Variants in SLC39A14 observed in about 807,000 individuals in gnomAD.
The protein encoded by SLC39A14 is metal cation symporter ZIP14.
A neutral mutation model predicts 45.5 loss-of-function variants in SLC39A14; 19 were observed. That is an observed-to-expected ratio of 0.42 (90% CI 0.29 to 0.61). SLC39A14 has a LOEUF of 0.61. Among genes scored for constraint, SLC39A14 ranks in the 20% least tolerant of loss-of-function variants. The pLI, the probability that SLC39A14 is intolerant of heterozygous loss-of-function variation, is 0.22. For missense variants in SLC39A14, 447 were observed against 616.5 expected, an observed-to-expected ratio of 0.73 and a Z score of 2.91; for synonymous variants, 264 against 251.3, an observed-to-expected ratio of 1.05 and a Z score of -0.48.
chr8:22,427,517 A>G (rs542151346), downstream of SLC39A14, among the ~76,000 whole-genome samples: 4 of 152,250 alleles, frequency 2.6e-5, no homozygotes, highest in South Asian at 8.3e-4. Flanking sequence ...GTAAGGAAAA[A>G]AAAAAAACCT....
chr8:22,401,929 A>G (rs963593602), intron 1 of SLC39A14, among the ~76,000 whole-genome samples: 3 of 152,174 alleles, frequency 2.0e-5, no homozygotes, highest in Non-Finnish European at 4.4e-5. Flanking sequence ...TTATAGCTGC[A>G]TACTATTCCA....
Position 22,421,293 on chromosome 8 carries a change from C to T in SLC39A14, c.*1595C>T, listed in dbSNP as rs967047160. The T allele has an allele frequency of 1.7e-5, 17 of 985,712 alleles. No homozygotes were observed. The highest frequency in any genetic ancestry group is 3.5e-5 in the African/African-American group (2 of 57,218). 61.1% of individuals were successfully genotyped at this position (985,712 alleles called of 1,614,324 possible). On this transcript the variant is annotated 3_prime_UTR_variant, in exon 9 of 9. Coordinates refer to ENST00000381237, the MANE Select transcript of SLC39A14 (RefSeq NM_001128431.4). Reference sequence around the variant, plus strand: ...GCTCTCAGTAATCACAAGCAGCATCCGTTTTGTTTTCTCTTCTTGGGAGAC... The same window carrying T: ...GCTCTCAGTAATCACAAGCAGCATCTGTTTTGTTTTCTCTTCTTGGGAGAC...
At chr8:22,381,038 A>G (rs548946182) in intron 1 of SLC39A14, among the ~76,000 whole-genome samples, 5 of 151,342 alleles carry the variant, frequency 3.3e-5, no homozygotes, top group African/African-American at 9.7e-5. Flanking sequence ...CAGTGGCGCA[A>G]TCTTGGCTCA....
At chr8:22,401,107 A>G (rs1433754257) in intron 1 of SLC39A14, among the ~76,000 whole-genome samples, 1 of 152,210 alleles carries the variant, frequency 6.6e-6, no homozygotes, top group African/African-American at 2.4e-5. Flanking sequence ...CAGAAATTCA[A>G]GGTAGGTTTG....
intron 1 of SLC39A14, among the ~76,000 whole-genome samples, chr8:22,397,565 G>C (rs1368615918): frequency 3.3e-5 from 5 of 151,992 alleles, no homozygotes; most frequent in Admixed American, 1.3e-4. Flanking sequence ...GCGAAAGAGC[G>C]GGCGAAAGAG....
chr8:22,425,070 T>G (rs1347015186), downstream of SLC39A14, among the ~76,000 whole-genome samples: 1 of 151,784 alleles, frequency 6.6e-6, no homozygotes, highest in Admixed American at 6.6e-5. Flanking sequence ...AAATGTCTTT[T>G]AAGTTCTGTG....
chr8:22,430,716 A>G (rs774344800), intron 8 of SLC39A14, among the ~76,000 whole-genome samples: 2 of 151,986 alleles, frequency 1.3e-5, no homozygotes, highest in Non-Finnish European at 2.9e-5. Context: ...TCTGTCGTCC[A>G]GGCTGGAGTG....
intron 4 of SLC39A14, among the ~76,000 whole-genome samples, chr8:22,412,682 AC>A (rs1563591534): frequency 6.6e-6 from 1 of 152,150 alleles, no homozygotes; most frequent in African/African-American, 2.4e-5. Flanking sequence ...AGTGGCTCAC[AC>A]CTATATTCCC....
rs1409913348 is a variant in SLC39A14 at position 22,404,966 on chromosome 8, A to G, written c.256A>G (p.Arg86Gly). Residue 86 changes from arginine (R) to glycine (G), a missense_variant, in exon 2 of 9, where the codon AGG becomes GGG. By Grantham distance (125) the Arg-to-Gly change is moderately radical (BLOSUM62 -2). Coordinates refer to ENST00000381237, the MANE Select transcript of SLC39A14 (RefSeq NM_001128431.4). ...GNVTQHVQGH[R>G]NLSTCFSSGD... is the part of the protein sequence containing the mutation. Reference sequence around the variant, plus strand: ...TGTCACCCAGCACGTGCAAGGACACAGGAACCTCTCCACGGTAAGGCTCCC... The same window carrying G: ...TGTCACCCAGCACGTGCAAGGACACGGGAACCTCTCCACGGTAAGGCTCCC... 2 of 1,614,034 alleles carry G rather than the reference A, an allele frequency of 1.2e-6. No homozygotes were observed. The highest frequency in any genetic ancestry group is 1.7e-5 in the Admixed American group (1 of 60,028).
chr8:22,372,651 C>T (rs541709479), intron 1 of SLC39A14, among the ~76,000 whole-genome samples: 2 of 152,154 alleles, frequency 1.3e-5, no homozygotes, highest in Non-Finnish European at 2.9e-5. Context: ...TATGTACATA[C>T]CTAGTTTAAT....
Position 22,404,809 on chromosome 8 carries a change from G to A in SLC39A14, c.99G>A (p.Leu33=), listed in dbSNP as rs771353406. The A allele has an allele frequency of 9.9e-6, 16 of 1,613,316 alleles. No individual in the cohort carries two copies. Among genetic ancestry groups the A allele is most frequent in the Admixed American group, 8.3e-5 (5 of 59,976 alleles). The change falls in exon 2 of 9, where the codon CTG becomes CTA. Residue 33 remains leucine, a synonymous_variant. Transcript: ENST00000381237. The part of the protein sequence containing the change: ...RTTPEAHASS[L]GAPAISAASF... ...CCCCTGAGGCTCACGCTTCATCCCT[G>A]GGTGCACCAGCTATCAGCGCTGCCT...
At position 22,380,535 on chromosome 8, in the gene SLC39A14, C is replaced by A. The variant is rs367932860; in HGVS notation, c.-16+13127C>A. Among the ~76,000 whole-genome samples the A allele has an allele frequency of 2.6e-5, 4 of 152,264 alleles. No individual in the cohort carries two copies. The South Asian group carries it at 6.2e-4, about 24-fold the overall frequency. ...CTCAGTGTTGCCACTGGGTTAGGGA[C>A]CCACGCACAGATGCAGTCGAAGACT... On this transcript the variant is annotated intron_variant, in intron 1 of 8. Coordinates refer to ENST00000381237, the MANE Select transcript of SLC39A14 (RefSeq NM_001128431.4).
At position 22,405,017 on chromosome 8, in the gene SLC39A14, C is replaced by G. The variant is rs758977286; in HGVS notation, c.270+37C>G. The G allele has an allele frequency of 4.1e-5, 66 of 1,592,490 alleles. No homozygotes were observed. The Middle Eastern group carries it at 1.3e-3, about 32-fold the overall frequency. On this transcript the variant is annotated intron_variant, in intron 2 of 8. Coordinates refer to ENST00000381237, the MANE Select transcript of SLC39A14 (RefSeq NM_001128431.4). ...CTGTGAGCCAGCAGCTCTGCTCAGC[C>G]CCGTCTCTGGCCTCTCAGGGTTCCC...
chr8:22,413,787 T>C (rs1835717525), intron 4 of SLC39A14, among the ~76,000 whole-genome samples: 1 of 152,170 alleles, frequency 6.6e-6, no homozygotes, highest in African/African-American at 2.4e-5. Context: ...TTTTTTTTGT[T>C]TGTTTTTGAG....
At chr8:22,425,883 G>GTTTTTGTTTTT (rs1055202851), downstream of SLC39A14, among the ~76,000 whole-genome samples, 1 of 140,862 alleles carries the variant, frequency 7.1e-6, no homozygotes, top group Non-Finnish European at 1.5e-5. Context: ...GCTCTAGATG[G>GTTTTTGTTTTT]TTTTTGTTTT....
intron 1 of SLC39A14, among the ~76,000 whole-genome samples, chr8:22,368,992 C>T (rs1328507372): frequency 6.6e-6 from 1 of 152,158 alleles, no homozygotes; most frequent in African/African-American, 2.4e-5. Flanking sequence ...CTTGGTAAAG[C>T]AAGAGAAGGG....
At chr8:22,425,654 T>C (rs150236381), downstream of SLC39A14, among the ~76,000 whole-genome samples, 2 of 152,298 alleles carry the variant, frequency 1.3e-5, no homozygotes, top group Non-Finnish European at 2.9e-5. Flanking sequence ...GTATTTCTTT[T>C]CAGCAGATGT....
Position 22,421,264 on chromosome 8 carries a change from G to C in SLC39A14, c.*1566G>C. On this transcript the variant is annotated 3_prime_UTR_variant, in exon 9 of 9. Transcript: ENST00000381237. The stretch of plus-strand genomic sequence containing the variant: ...AGCTTTTCTCTTACATAGAAAAACT[G>C]TCCGCTCTCAGTAATCACAAGCAGC... The C allele has an allele frequency of 1.0e-6, 1 of 985,802 alleles. No individual in the cohort carries two copies. The allele number at this position is 985,802 out of a possible 1,614,324, so 61.1% of individuals were successfully genotyped here.
intron 1 of SLC39A14, among the ~76,000 whole-genome samples, chr8:22,370,549 G>T (rs984592510): frequency 7.2e-5 from 11 of 152,188 alleles, no homozygotes; most frequent in African/African-American, 2.4e-4. Context: ...TGGATCCAGG[G>T]AGGTGAATTG....
Sources: allele counts gnomAD v4.1 joint callset (sites outside exome capture counted in the v4.1 genomes callset), GRCh38; gene constraint gnomAD v4.1.1; transcripts MANE v1.5; gene names NCBI Gene and HGNC (gene_info 2026-07-23, HGNC 2026-07-21).